Variants in RRP1B observed in about 807,000 individuals in gnomAD.
RRP1B encodes the protein ribosomal RNA processing protein 1 homolog B.
RRP1B carries 56 observed loss-of-function variants against 80.2 expected under a neutral mutation model. The observed-to-expected ratio is 0.70, with a 90% CI of 0.56 to 0.87. RRP1B has a LOEUF of 0.87. RRP1B is among the 40% of genes least tolerant of loss of function. The probability of loss-of-function intolerance (pLI) is 0.00; values close to 1 mark genes in which losing one functional copy is unlikely to be tolerated. For missense variants in RRP1B, 807 were observed against 939.8 expected (o/e 0.86, Z 1.85); for synonymous variants, 351 against 357.6 (o/e 0.98, Z 0.21).
At chr21:43,661,496 C>T (rs1372443765) in intron 1 of RRP1B, among the ~76,000 whole-genome samples, 1 of 152,170 alleles carries the variant, frequency 6.6e-6, no homozygotes, top group Non-Finnish European at 1.5e-5. Context: ...TTCCCCTGGC[C>T]CACATCCAGT....
Position 43,687,813 on chromosome 21 carries a change from C to G in RRP1B, c.1439C>G (p.Pro480Arg). 1 of 1,613,230 alleles carries G rather than the reference C, an allele frequency of 6.2e-7. No homozygotes were observed. The highest frequency in any genetic ancestry group is 8.5e-7 in the Non-Finnish European group (1 of 1,180,040). The change falls in exon 13 of 16, where the codon CCG becomes CGG. Residue 480 changes from proline (P) to arginine (R), a missense_variant. Coordinates refer to ENST00000340648, the MANE Select transcript of RRP1B (RefSeq NM_015056.3). Reference sequence around the variant, plus strand: ...AGGAAACGGCCACGGAAGAAGAGCCCGAGGGCCCACAGGGAAATGTTGGAA... The same window carrying G: ...AGGAAACGGCCACGGAAGAAGAGCCGGAGGGCCCACAGGGAAATGTTGGAA... ...NKRKRPRKKS[P>R]RAHREMLESA...
At chr21:43,665,727 G>GGCACCT (rs1450143565) in intron 1 of RRP1B, among the ~76,000 whole-genome samples, 3 of 151,952 alleles carry the variant, frequency 2.0e-5, no homozygotes, top group Non-Finnish European at 4.4e-5. Flanking sequence ...TAAAGAGCCT[G>GGCACCT]GCACCTTCCT....
At chr21:43,678,669 A>G (rs1320095169) in intron 8 of RRP1B, among the ~76,000 whole-genome samples, 1 of 151,772 alleles carries the variant, frequency 6.6e-6, no homozygotes, top group East Asian at 1.9e-4. Flanking sequence ...TAGATTCTGG[A>G]TATTAGTCCT....
At chr21:43,686,730 G>T in intron 11 of RRP1B, 74 bp from the exon 12 acceptor site, 2 of 1,564,076 alleles carry the variant, frequency 1.3e-6, no homozygotes, top group South Asian at 2.3e-5. Context: ...ATTGGGAGGG[G>T]TGCTGCTCTT....
Position 43,659,745 on chromosome 21 carries a change from G to C in RRP1B, c.81G>C (p.Ala27=). The part of the protein sequence containing the change: ...ASSEKGIRDR[A]VKKLRQYISV... ...GCGAGAAGGGCATCCGGGACCGAGC[G>C]GTGAAGAAGCTGCGCCAGTACATCA... Residue 27 remains alanine (A), a synonymous_variant, in exon 1 of 16, where the codon GCG becomes GCC. Transcript: ENST00000340648. This position sits in a 1 kb window ranked among gnomAD's most constrained non-coding sequence, Gnocchi z 4.2. The C allele has an allele frequency of 6.5e-7, 1 of 1,530,058 alleles. No homozygotes were observed. The highest frequency in any genetic ancestry group is 8.8e-7 in the Non-Finnish European group (1 of 1,136,892). 94.8% of individuals were successfully genotyped at this position (1,530,058 alleles called of 1,614,324 possible).
rs765561698 is a variant in RRP1B, at chr21:43,672,363, C to T, written c.269C>T (p.Ala90Val). 1.2e-6 allele frequency: 2 copies of T among 1,613,714 alleles called. No individual in the cohort carries two copies. The highest frequency in any genetic ancestry group is 3.3e-5 in the Admixed American group (2 of 60,026). ...GTCCATGCTGTTAACAACTCAGCGGCTCGTAAGTCCTGTTGTTTCTTCTCC... is the reference window on the plus strand; with the variant it reads ...GTCCATGCTGTTAACAACTCAGCGGTTCGTAAGTCCTGTTGTTTCTTCTCC... The part of the protein sequence containing the change: ...QLVHAVNNSA[A>V]QHLFIQTFWQ... Residue 90 changes from alanine to valine, a missense_variant and splice_region_variant, in exon 3 of 16, where the codon GCT becomes GTT. By Grantham distance (64) the Ala-to-Val change is moderately conservative (BLOSUM62 0). Transcript: ENST00000340648.
intron 1 of RRP1B, among the ~76,000 whole-genome samples, chr21:43,663,258 G>C (rs1375102938): frequency 1.3e-5 from 2 of 152,058 alleles, no homozygotes; most frequent in African/African-American, 4.8e-5. Context: ...TGTTTACCTC[G>C]TTTGTTTTGT....
At chr21:43,669,016 G>A (rs1305958331) in intron 1 of RRP1B, among the ~76,000 whole-genome samples, 1 of 152,230 alleles carries the variant, frequency 6.6e-6, no homozygotes, top group Non-Finnish European at 1.5e-5. Flanking sequence ...CATGAAGGCA[G>A]AGGTAGAGCC....
intron 2 of RRP1B, among the ~76,000 whole-genome samples, chr21:43,671,568 G>C (rs527873720): frequency 6.6e-6 from 1 of 151,762 alleles, no homozygotes; most frequent in Non-Finnish European, 1.5e-5. Context: ...GGGTCTCATT[G>C]TGTTGCCTAG....
chr21:43,681,188 A>T (rs1428993695), intron 8 of RRP1B, among the ~76,000 whole-genome samples: 1 of 152,072 alleles, frequency 6.6e-6, no homozygotes, highest in African/African-American at 2.4e-5. Context: ...GGCTGAAGTG[A>T]GCCAAGATCG....
chr21:43,671,532 TA>T (rs1284456207), intron 2 of RRP1B, among the ~76,000 whole-genome samples: 1 of 152,018 alleles, frequency 6.6e-6, no homozygotes, highest in African/African-American at 2.4e-5. Flanking sequence ...CATGCCTGGC[TA>T]ATTTTTGTAT....
Position 43,671,204 on chromosome 21 carries a change from C to T in RRP1B, c.214-1104C>T, listed in dbSNP as rs114603549. 4.5e-4 allele frequency among the ~76,000 whole-genome samples: 68 copies of T among 152,208 alleles called. 1 individual carries two copies. The highest frequency in any genetic ancestry group is 1.6e-3 in the African/African-American group (67 of 41,538). On this transcript the variant is annotated intron_variant, in intron 2 of 15. Coordinates refer to ENST00000340648, the MANE Select transcript of RRP1B (RefSeq NM_015056.3). Reference sequence around the variant, plus strand: ...AGGGACCCCTTCACCCAGGACAGAGCCCAGAAGGCTGAGTTTACCTTCACA... The same window carrying T: ...AGGGACCCCTTCACCCAGGACAGAGTCCAGAAGGCTGAGTTTACCTTCACA...
At position 43,688,377 on chromosome 21, in the gene RRP1B, G is replaced by A. The variant is rs2083073122; in HGVS notation, c.1866+137G>A. ...CTCAGCAGCAGTTAGAATAGGGTGT[G>A]TTCATAACAGCCTTCACTAAGGAGG... On this transcript the variant is annotated intron_variant, in intron 13 of 15. Transcript: ENST00000340648. The A allele has an allele frequency of 4.7e-6, 5 of 1,055,950 alleles. No individual in the cohort carries two copies. The Admixed American group carries it at 1.2e-4, about 25-fold the overall frequency. The allele number at this position is 1,055,950 out of a possible 1,614,324, so 65.4% of individuals were successfully genotyped here.
At position 43,695,378 on chromosome 21, in the gene RRP1B, T is replaced by C. The variant is rs907924128; in HGVS notation, c.*1995T>C. On this transcript the variant is annotated 3_prime_UTR_variant, in exon 16 of 16. Coordinates refer to ENST00000340648, the MANE Select transcript of RRP1B (RefSeq NM_015056.3). The stretch of plus-strand genomic sequence containing the variant: ...CTAGCATTTCTATATTATCTGTCCA[T>C]TCTGAGGAACCAGTGAATGTCCTAT... The C allele has an allele frequency of 6.6e-6, 1 of 152,216 alleles. No individual in the cohort carries two copies. The highest frequency in any genetic ancestry group is 1.5e-5 in the Non-Finnish European group (1 of 68,038). The allele number at this position is 152,216 out of a possible 1,614,324, so 9.4% of individuals were successfully genotyped here.
intron 1 of RRP1B, among the ~76,000 whole-genome samples, chr21:43,667,362 G>A (rs1279753189): frequency 1.3e-5 from 2 of 152,138 alleles, no homozygotes; most frequent in South Asian, 2.1e-4. Flanking sequence ...GAGTACTTGG[G>A]ACTACAGGCA....
chr21:43,694,406 G>C lies in RRP1B; in HGVS notation c.*1023G>C, dbSNP rs1405726189. 6.6e-6 allele frequency: 1 copy of C among 152,284 alleles called. No individual in the cohort carries two copies. The highest frequency in any genetic ancestry group is 1.9e-4 in the East Asian group (1 of 5,202). 9.4% of individuals were successfully genotyped at this position (152,284 alleles called of 1,614,324 possible). A position where few individuals can be genotyped will look rare whatever the true frequency, so the allele number is the denominator to read the frequency against. ...GCGGAAGGCACTCAGGCTTTCGTTG[G>C]AGAAACAGAAATAAGGCCTTCTTTT... is the stretch of plus-strand genomic sequence containing the variant. On this transcript the variant is annotated 3_prime_UTR_variant, in exon 16 of 16. Transcript: ENST00000340648.
At chr21:43,663,255 C>G (rs1265762877) in intron 1 of RRP1B, among the ~76,000 whole-genome samples, 1 of 152,046 alleles carries the variant, frequency 6.6e-6, no homozygotes, top group Non-Finnish European at 1.5e-5. Context: ...TGATGTTTAC[C>G]TCGTTTGTTT....
Position 43,676,352 on chromosome 21 carries a change from G to C in RRP1B, c.614+16G>C. The C allele has an allele frequency of 1.3e-6, 2 of 1,596,486 alleles. No homozygotes were observed. The highest frequency in any genetic ancestry group is 1.7e-6 in the Non-Finnish European group (2 of 1,165,062). On this transcript the variant is annotated intron_variant, in intron 7 of 15. Coordinates refer to ENST00000340648, the MANE Select transcript of RRP1B (RefSeq NM_015056.3). ...AGACGAAGGAGTAAGTGATTCCCCTGTTCGTTCCTCCTGCTCCGTGGCATT... is the reference window on the plus strand; with the variant it reads ...AGACGAAGGAGTAAGTGATTCCCCTCTTCGTTCCTCCTGCTCCGTGGCATT...
chr21:43,679,824 T>A (rs1250687659), intron 8 of RRP1B, among the ~76,000 whole-genome samples: 1 of 152,216 alleles, frequency 6.6e-6, no homozygotes, highest in Non-Finnish European at 1.5e-5. Flanking sequence ...CTTTCAGCAG[T>A]GTTTTGTAGT....
Sources: gnomAD v4.1 joint callset for allele counts (sites outside exome capture counted in the v4.1 genomes callset) on GRCh38, gnomAD v4.1.1 for gene constraint, Gnocchi (gnomAD v3.1) non-coding constraint, MANE v1.5 for transcripts, NCBI Gene and HGNC (gene_info 2026-07-23, HGNC 2026-07-21) for gene names.